Variants in ANKRD44 observed in about 807,000 individuals in gnomAD.
ANKRD44 encodes serine/threonine-protein phosphatase 6 regulatory ankyrin repeat subunit B.
In ANKRD44, 35 loss-of-function variants were observed where a neutral mutation model predicts 116.0. The observed-to-expected ratio is 0.30, with a 90% CI of 0.23 to 0.40. ANKRD44 has a LOEUF of 0.40. ANKRD44 is among the 10% of genes least tolerant of loss of function. The probability of loss-of-function intolerance (pLI) is 1.00; values close to 1 mark genes in which losing one functional copy is unlikely to be tolerated. For missense variants in ANKRD44, 1,014 were observed against 1,242.6 expected, an observed-to-expected ratio of 0.82 and a Z score of 2.77; for synonymous variants, 435 against 461.8, an observed-to-expected ratio of 0.94 and a Z score of 0.74.
intron 8 of ANKRD44, among the ~76,000 whole-genome samples, chr2:197,112,309 CTG>C (rs2078599909): frequency 1.3e-5 from 2 of 152,286 alleles, no homozygotes; most frequent in South Asian, 4.1e-4. Context: ...TTTAAAATGA[CTG>C]TTTTAAAAAC....
Position 197,146,134 on chromosome 2 carries a change from T to C in ANKRD44, c.190+893A>G, listed in dbSNP as rs543331651. Among the ~76,000 whole-genome samples the C allele has an allele frequency of 2.4e-3, 368 of 152,294 alleles. 2 individuals carry two copies. The highest frequency in any genetic ancestry group is 8.0e-3 in the African/African-American group (333 of 41,562). Reference sequence around the variant, plus strand: ...AATCTGATGAAATATTTAAAATACATTGAAAAATAAAGACAATAGCATCAC... The same window carrying C: ...AATCTGATGAAATATTTAAAATACACTGAAAAATAAAGACAATAGCATCAC... On this transcript the variant is annotated intron_variant, in intron 3 of 27. Coordinates refer to ENST00000282272, the MANE Select transcript of ANKRD44 (RefSeq NM_001195144.2).
At chr2:197,044,839 T>G (rs2076973279) in intron 16 of ANKRD44, among the ~76,000 whole-genome samples, 3 of 151,880 alleles carry the variant, frequency 2.0e-5, no homozygotes, top group Non-Finnish European at 1.5e-5. Flanking sequence ...ATAAAAGAGC[T>G]ATAAAAAGGA....
chr2:197,116,200 T>C (rs1444635664), intron 8 of ANKRD44, among the ~76,000 whole-genome samples: 1 of 152,040 alleles, frequency 6.6e-6, no homozygotes, highest in African/African-American at 2.4e-5. Flanking sequence ...TGCCAGAGAG[T>C]AGCCTTCTAG....
chr2:197,133,868 T>A (rs1413007918), intron 4 of ANKRD44: 1 of 152,058 alleles, frequency 6.6e-6, no homozygotes, highest in Non-Finnish European at 1.5e-5. Flanking sequence ...GGAGTTAAGA[T>A]GTCTTCTCCA....
chr2:197,282,377 G>A (rs1374312082), intron 1 of ANKRD44, among the ~76,000 whole-genome samples: 2 of 151,928 alleles, frequency 1.3e-5, no homozygotes, highest in Non-Finnish European at 2.9e-5. Flanking sequence ...TGTCTTGAAT[G>A]CCAGACTGAG....
At position 197,066,649 on chromosome 2, in the gene ANKRD44, GACAA is replaced by G. The variant is rs541572990; in HGVS notation, c.1650+12050_1650+12053del. 8.5e-5 allele frequency among the ~76,000 whole-genome samples: 13 copies of G among 152,208 alleles called. No homozygotes were observed. The East Asian group carries it at 2.1e-3, about 25-fold the overall frequency. The stretch of plus-strand genomic sequence containing the variant: ...CAAGCATTCTTATACACCAATAACA[GACAA>G]ACAGAGAGCCAAATCATGACTGAAC... On this transcript the variant is annotated intron_variant, in intron 16 of 27. Transcript: ENST00000282272.
intron 1 of ANKRD44, among the ~76,000 whole-genome samples, chr2:197,284,315 A>G (rs2083344567): frequency 6.6e-6 from 1 of 152,190 alleles, no homozygotes; most frequent in Admixed American, 6.5e-5. Context: ...ATCCCTCAGG[A>G]CATTCATGTT....
At chr2:196,989,701 G>T in intron 27 of ANKRD44, 52 bp from the exon 28 acceptor site, 1 of 1,545,876 alleles carries the variant, frequency 6.5e-7, no homozygotes, top group African/African-American at 1.4e-5. Flanking sequence ...TCATCATCAA[G>T]CAACTGGCAA....
intron 8 of ANKRD44, among the ~76,000 whole-genome samples, chr2:197,118,297 G>T (rs1405767306): frequency 1.3e-5 from 2 of 148,756 alleles, no homozygotes; most frequent in East Asian, 2.0e-4. Context: ...ACACAAAAAA[G>T]AAACTAAAGT....
At chr2:197,204,130 CAG>C (rs1324609406) in intron 1 of ANKRD44, among the ~76,000 whole-genome samples, 5 of 152,064 alleles carry the variant, frequency 3.3e-5, no homozygotes, top group African/African-American at 9.6e-5. Flanking sequence ...ATACATAAAA[CAG>C]AATATTTTAC....
chr2:197,204,886 A>C (rs1162525869), intron 1 of ANKRD44, among the ~76,000 whole-genome samples: 1 of 152,246 alleles, frequency 6.6e-6, no homozygotes, highest in African/African-American at 2.4e-5. Context: ...TCTAGAAGGC[A>C]GAACCCGATC....
chr2:197,238,802 T>C (rs560606169), intron 1 of ANKRD44, among the ~76,000 whole-genome samples: 1 of 152,040 alleles, frequency 6.6e-6, no homozygotes, highest in South Asian at 2.1e-4. Context: ...CCTCCCAGGT[T>C]CAAGCAATTC....
chr2:197,019,117 T>A (rs1409213229), intron 17 of ANKRD44, among the ~76,000 whole-genome samples: 1 of 152,158 alleles, frequency 6.6e-6, no homozygotes, highest in African/African-American at 2.4e-5. Context: ...GAATAACAAA[T>A]ATTGAATCAG....
chr2:197,246,912 T>C (rs560356369), intron 1 of ANKRD44, among the ~76,000 whole-genome samples: 3 of 152,300 alleles, frequency 2.0e-5, no homozygotes, highest in Non-Finnish European at 4.4e-5. Flanking sequence ...GTGACCCAAC[T>C]TCAAGCCCAA....
intron 1 of ANKRD44, among the ~76,000 whole-genome samples, chr2:197,190,275 G>T (rs2080792319): frequency 6.6e-6 from 1 of 152,156 alleles, no homozygotes; most frequent in African/African-American, 2.4e-5. Context: ...GAATAAAAAA[G>T]CAGCTGTTCT....
Position 197,281,528 on chromosome 2 carries a change from T to A in ANKRD44, c.27+29050A>T, listed in dbSNP as rs143520322. On this transcript the variant is annotated intron_variant, in intron 1 of 27. Coordinates refer to ENST00000282272, the MANE Select transcript of ANKRD44 (RefSeq NM_001195144.2). ...CTTGTATAAGGCATAAGTCCCTGAG[T>A]AATTTACATCATATCTCCTTTTTGG... Among the ~76,000 whole-genome samples the A allele has an allele frequency of 4.8e-3, 725 of 152,242 alleles. 6 individuals are homozygous for A. Among genetic ancestry groups the A allele is most frequent in the African/African-American group, 0.017 (693 of 41,546 alleles).
chr2:197,121,875 A>G (rs1419907832), intron 7 of ANKRD44, among the ~76,000 whole-genome samples: 1 of 152,198 alleles, frequency 6.6e-6, no homozygotes, highest in African/African-American at 2.4e-5. Flanking sequence ...AGGAGAATGA[A>G]AAGAGTCCCA....
intron 16 of ANKRD44, among the ~76,000 whole-genome samples, chr2:197,057,839 T>C (rs1314462338): frequency 1.3e-5 from 2 of 152,192 alleles, no homozygotes; most frequent in African/African-American, 2.4e-5. Context: ...GCCTGGGTGA[T>C]AGAGTCAGAC....
chr2:197,023,290 CAATA>C (rs1386100763), intron 17 of ANKRD44, among the ~76,000 whole-genome samples: 1 of 152,092 alleles, frequency 6.6e-6, no homozygotes, highest in African/African-American at 2.4e-5. Context: ...TAATATCACA[CAATA>C]AACAATTCAA....
Sources: gnomAD v4.1 joint callset for allele counts (sites outside exome capture counted in the v4.1 genomes callset) on GRCh38, gnomAD v4.1.1 for gene constraint, MANE v1.5 for transcripts, NCBI Gene and HGNC (gene_info 2026-07-23, HGNC 2026-07-21) for gene names.